HMCN2: variants seen among roughly 807,000 people sequenced by gnomAD.
HMCN2 encodes hemicentin-2.
HMCN2 carries 325 observed loss-of-function variants against 377.5 expected under a neutral mutation model. The observed-to-expected ratio is 0.86, with a 90% CI of 0.79 to 0.94. The LOEUF is 0.94. Ranked by LOEUF, HMCN2 falls within the 40% of genes least tolerant of loss-of-function variation. The pLI, the probability that HMCN2 is intolerant of heterozygous loss-of-function variation, is 0.00. For missense variants in HMCN2, 4,543 were observed against 4,725.3 expected, an observed-to-expected ratio of 0.96 and a Z score of 1.13; for synonymous variants, 2,007 against 2,046.8, an observed-to-expected ratio of 0.98 and a Z score of 0.53.
At chr9:130,313,604 C>A (rs1398784380) in intron 15 of HMCN2, among the ~76,000 whole-genome samples, 1 of 151,630 alleles carries the variant, frequency 6.6e-6, no homozygotes, top group Non-Finnish European at 1.5e-5. Context: ...GTGGGCACCC[C>A]CCCCCATAAA....
chr9:130,433,232 C>T (rs907243001), intron 97 of HMCN2, 116 bp from the exon 98 acceptor site: 11 of 764,518 alleles, frequency 1.4e-5, no homozygotes, highest in South Asian at 2.4e-5. Context: ...GGGAGAAGGA[C>T]GGGCAGCGCG....
intron 82 of HMCN2, 45 bp from the exon 83 acceptor site, chr9:130,407,526 T>G: frequency 7.8e-7 from 1 of 1,283,358 alleles, no homozygotes; most frequent in Non-Finnish European, 1.0e-6. Flanking sequence ...GGGAAGTGTT[T>G]AGGGCAGGAG....
At chr9:130,266,219 G>T in intron 1 of HMCN2, 82 bp downstream of exon 1, 1 of 386,048 alleles carries the variant, frequency 2.6e-6, no homozygotes. Flanking sequence ...GGCCCCGAAC[G>T]CACCTGGACG....
intron 86 of HMCN2, among the ~76,000 whole-genome samples, chr9:130,420,074 T>TG (rs1843912929): frequency 7.0e-6 from 1 of 142,370 alleles, no homozygotes; most frequent in African/African-American, 2.6e-5. Flanking sequence ...TCTTTTTTTT[T>TG]TTTTTTTTTT....
In HMCN2 at chr9:130,402,837, C is replaced by A. The variant is rs1842918796; in HGVS notation, c.11819C>A (p.Thr3940Asn). 1 of 1,289,796 alleles carries A rather than the reference C, an allele frequency of 7.8e-7. No individual in the cohort carries two copies. Among genetic ancestry groups the A allele is most frequent in the African/African-American group, 1.5e-5 (1 of 65,976 alleles). The allele number at this position is 1,289,796 out of a possible 1,614,324, so 79.9% of individuals were successfully genotyped here. A position where few individuals can be genotyped will look rare whatever the true frequency, so the allele number is the denominator to read the frequency against. ...CTCCCCATCCACGCAGGCCGCTACA[C>A]CTGCTCAGCCCGCAACTCTGCCGGC... ...QALPIHAGRYTCSARNSAGVA... is the reference protein window; with the variant it reads ...QALPIHAGRYNCSARNSAGVA... The change falls in exon 78 of 98, where the codon ACC becomes AAC. Residue 3940 changes from threonine to asparagine, a missense_variant. Physicochemically the swap from Thr to Asn is moderately conservative, Grantham distance 65. Around this residue, in one of 5 missense-constraint regions of HMCN2, gnomAD observed 1,073 missense variants for 1,319.5 expected, o/e 0.81. Coordinates refer to ENST00000683500, the MANE Select transcript of HMCN2 (RefSeq NM_001291815.2).
chr9:130,275,142 T>TC (rs1253059347), intron 1 of HMCN2, among the ~76,000 whole-genome samples: 32 of 152,076 alleles, frequency 2.1e-4, no homozygotes, highest in African/African-American at 6.8e-4. Context: ...TTTTCCTTGT[T>TC]TTTTTGCTAG....
chr9:130,394,590 G>A lies in HMCN2; in HGVS notation c.10692+15G>A, dbSNP rs1439916735. 1.1e-5 allele frequency: 14 copies of A among 1,272,572 alleles called. No individual in the cohort carries two copies. The highest frequency in any genetic ancestry group is 7.0e-5 in the Admixed American group (3 of 42,630). 78.8% of individuals were successfully genotyped at this position (1,272,572 alleles called of 1,614,324 possible). ...AGAATGTGCAGGTACCAGTGCCGCC[G>A]CCATGGGGCGAGGCTGGGGGTTGGG... is the stretch of plus-strand genomic sequence containing the variant. On this transcript the variant is annotated intron_variant, in intron 69 of 97. Transcript: ENST00000683500. This position sits in a 1 kb window ranked among gnomAD's most constrained non-coding sequence, Gnocchi z 5.1.
At chr9:130,392,856 C>G (rs1323618380) in intron 66 of HMCN2, among the ~76,000 whole-genome samples, 2 of 151,808 alleles carry the variant, frequency 1.3e-5, no homozygotes, top group Non-Finnish European at 2.9e-5. Context: ...ATTAGCCGGG[C>G]CTGGTGGCGG....
At chr9:130,286,955 C>G (rs1306560467) in intron 4 of HMCN2, among the ~76,000 whole-genome samples, 4 of 152,188 alleles carry the variant, frequency 2.6e-5, no homozygotes, top group Non-Finnish European at 5.9e-5. Flanking sequence ...CCCTCCACCC[C>G]ACACTCCCGT....
Position 130,395,932 on chromosome 9 carries a change from C to T in HMCN2, c.10920C>T (p.Ala3640=). The change falls in exon 72 of 98, where the codon GCC becomes GCT. Residue 3640 remains alanine (A), a synonymous_variant. Coordinates refer to ENST00000683500, the MANE Select transcript of HMCN2 (RefSeq NM_001291815.2). ...CTGGCGGGGCTCTCCAGGAGGACGC[C>T]CACACACAATTCCCGGAGCGGGGCA... ...HRDGIVLQED[A]HTQFPERGRF... The T allele has an allele frequency of 3.1e-6, 4 of 1,287,178 alleles. No homozygotes were observed. In the South Asian group the frequency reaches 4.9e-5, roughly 16 times the overall value. 79.7% of individuals were successfully genotyped at this position (1,287,178 alleles called of 1,614,324 possible).
At chr9:130,431,189 T>C in intron 95 of HMCN2, 178 bp from the exon 96 acceptor site, 1 of 649,356 alleles carries the variant, frequency 1.5e-6, no homozygotes, top group South Asian at 1.9e-5. Flanking sequence ...CTCCTCCCTC[T>C]CAGCAAGCAC....
chr9:130,417,709 C>G (rs1843774699), intron 85 of HMCN2, among the ~76,000 whole-genome samples: 1 of 152,128 alleles, frequency 6.6e-6, no homozygotes, highest in Non-Finnish European at 1.5e-5. Context: ...CCCCCAGAAC[C>G]TCTGGAGGAA....
intron 59 of HMCN2, among the ~76,000 whole-genome samples, chr9:130,385,175 A>G (rs1189129565): frequency 6.6e-6 from 1 of 151,540 alleles, no homozygotes; most frequent in Non-Finnish European, 1.5e-5. Context: ...ACACTGCGCT[A>G]GGCCTGTGGG....
At chr9:130,429,205 A>AC in intron 93 of HMCN2, 1 of 245,238 alleles carries the variant, frequency 4.1e-6, no homozygotes, top group Non-Finnish European at 7.8e-6. Flanking sequence ...CCTCCTCACC[A>AC]CGACCCCATG....
intron 22 of HMCN2, among the ~76,000 whole-genome samples, chr9:130,331,348 C>G (rs1838418631): frequency 6.6e-6 from 1 of 152,162 alleles, no homozygotes; most frequent in African/African-American, 2.4e-5. Context: ...CAGAAGCCAA[C>G]GGTGAAGTCC....
intron 66 of HMCN2, 93 bp downstream of exon 66, chr9:130,392,211 G>A (rs1588379667): frequency 1.6e-5 from 14 of 895,560 alleles, no homozygotes; most frequent in Non-Finnish European, 1.9e-5. Context: ...GCCAGGACTG[G>A]CTGCAACACC....
At chr9:130,297,416 C>T (rs1554932554) in intron 7 of HMCN2, among the ~76,000 whole-genome samples, 1 of 152,188 alleles carries the variant, frequency 6.6e-6, no homozygotes, top group African/African-American at 2.4e-5. Context: ...GCCTGGGCAC[C>T]GAGGCAGGTT....
At position 130,385,653 on chromosome 9, in the gene HMCN2, C is replaced by T. The variant is rs1052451359; in HGVS notation, c.9200C>T (p.Ala3067Val). The T allele has an allele frequency of 2.1e-5, 27 of 1,304,014 alleles. No homozygotes were observed. The highest frequency in any genetic ancestry group is 2.4e-5 in the Non-Finnish European group (24 of 988,856). 80.8% of individuals were successfully genotyped at this position (1,304,014 alleles called of 1,614,324 possible). The change falls in exon 60 of 98, where the codon GCG (alanine) becomes GTG (valine). Residue 3067 changes from alanine (A) to valine (V), a missense_variant. This residue lies in a region of HMCN2 where 736 missense variants were observed against 773.2 expected (regional missense o/e 0.95). Coordinates refer to ENST00000683500, the MANE Select transcript of HMCN2 (RefSeq NM_001291815.2). ...GCTGTCCTGAGCTGCGAGACAGATG[C>T]GCTCCCTGAGCCAACTGTGACCTGG... ...DKAVLSCETD[A>V]LPEPTVTWYK...
intron 22 of HMCN2, among the ~76,000 whole-genome samples, chr9:130,336,469 G>A (rs2131458108): frequency 6.6e-6 from 1 of 152,282 alleles, no homozygotes; most frequent in Non-Finnish European, 1.5e-5. Flanking sequence ...TGTGAGCATT[G>A]AGCACAACTG....
Sources: allele counts gnomAD v4.1 joint callset (sites outside exome capture counted in the v4.1 genomes callset), GRCh38; gene constraint gnomAD v4.1.1; regional missense constraint gnomAD v4.1.1; non-coding constraint Gnocchi (gnomAD v3.1); transcripts MANE v1.5; gene names NCBI Gene and HGNC (gene_info 2026-07-23, HGNC 2026-07-21).